Variants in EYS observed in about 807,000 individuals in gnomAD.
EYS encodes the protein protein eyes shut homolog.
A neutral mutation model predicts 282.1 loss-of-function variants in EYS; 250 were observed. The ratio of observed to expected loss-of-function variants is 0.89; its 90% CI spans 0.80 to 0.98. EYS has a LOEUF of 0.98. Among genes scored for constraint, EYS ranks in the 50% least tolerant of loss-of-function variants. The pLI, the probability that EYS is intolerant of heterozygous loss-of-function variation, is 0.00. For missense variants in EYS, 4,016 were observed against 3,709.0 expected, an observed-to-expected ratio of 1.08 and a Z score of -2.15; for synonymous variants, 1,355 against 1,282.9, an observed-to-expected ratio of 1.06 and a Z score of -1.20.
chr6:64,710,393 C>T (rs560418713), intron 22 of EYS, among the ~76,000 whole-genome samples: 2 of 152,222 alleles, frequency 1.3e-5, no homozygotes, highest in African/African-American at 4.8e-5. Flanking sequence ...CATCCCTTCA[C>T]CTGCATAGGG....
intron 1 of EYS, among the ~76,000 whole-genome samples, chr6:65,673,672 G>A (rs937942093): frequency 6.6e-6 from 1 of 151,980 alleles, no homozygotes; most frequent in Non-Finnish European, 1.5e-5. Flanking sequence ...GTGCATGAAA[G>A]TTCCACTGAA....
At position 64,304,004 on chromosome 6, in the gene EYS, G is replaced by C. The variant is rs144386249; in HGVS notation, c.6191+2966C>G. Among the ~76,000 whole-genome samples, 147 of 152,258 alleles carry C rather than the reference G, an allele frequency of 9.7e-4. 1 individual carries two copies. The highest frequency in any genetic ancestry group is 3.3e-3 in the African/African-American group (137 of 41,546). The stretch of plus-strand genomic sequence containing the variant: ...GTCCTAAGACCAACTTTTGATCATC[G>C]TGGGTGAATGATTGCTCTCTACTCA... On this transcript the variant is annotated intron_variant, in intron 30 of 42. Coordinates refer to ENST00000503581, the MANE Select transcript of EYS (RefSeq NM_001142800.2).
intron 22 of EYS, among the ~76,000 whole-genome samples, chr6:64,705,267 C>T (rs2149928659): frequency 6.6e-6 from 1 of 152,202 alleles, no homozygotes; most frequent in East Asian, 1.9e-4. Context: ...TAGGAATTTA[C>T]CTAACCAATG....
At chr6:65,575,356 ATTG>A (rs1346842714) in intron 2 of EYS, among the ~76,000 whole-genome samples, 1 of 150,882 alleles carries the variant, frequency 6.6e-6, no homozygotes. Flanking sequence ...ATAAATAAAT[ATTG>A]ATTAAAAGAA....
chr6:65,347,292 T>A (rs1770435780), intron 9 of EYS, among the ~76,000 whole-genome samples: 1 of 151,808 alleles, frequency 6.6e-6, no homozygotes, highest in Admixed American at 6.6e-5. Flanking sequence ...GGATACTCTC[T>A]GTGTCTTCGT....
At chr6:64,394,064 A>C (rs112466856) in intron 28 of EYS, among the ~76,000 whole-genome samples, 47,882 of 151,534 alleles carry the variant, frequency 0.32, 7,541 homozygotes, top group East Asian at 0.46. Flanking sequence ...CCTAGGAATC[A>C]AACTTACAAG....
chr6:64,031,704 T>C (rs1395926404), intron 33 of EYS, among the ~76,000 whole-genome samples: 2 of 152,202 alleles, frequency 1.3e-5, no homozygotes, highest in Non-Finnish European at 2.9e-5. Flanking sequence ...CTCTGTTATC[T>C]AGCTACTCTG....
chr6:64,070,878 TATTC>T (rs1276979496), intron 32 of EYS, among the ~76,000 whole-genome samples: 3 of 152,072 alleles, frequency 2.0e-5, no homozygotes, highest in Non-Finnish European at 4.4e-5. Context: ...TTAATAATTT[TATTC>T]ATTATGACTT....
At chr6:64,306,682 A>G (rs1160470413) in intron 30 of EYS, among the ~76,000 whole-genome samples, 1 of 152,132 alleles carries the variant, frequency 6.6e-6, no homozygotes, top group Non-Finnish European at 1.5e-5. Flanking sequence ...TCATTTTTAA[A>G]CTAACTCTGA....
chr6:65,632,961 A>G (rs1302054501), intron 2 of EYS, among the ~76,000 whole-genome samples: 1 of 152,190 alleles, frequency 6.6e-6, no homozygotes, highest in African/African-American at 2.4e-5. Flanking sequence ...AGCTTATGTA[A>G]TTAATAAAAT....
At chr6:65,367,565 G>T (rs191535528) in intron 8 of EYS, among the ~76,000 whole-genome samples, 1 of 151,556 alleles carries the variant, frequency 6.6e-6, no homozygotes, top group African/African-American at 2.4e-5. Context: ...TAATTTGAAT[G>T]AATTAATCTA....
chr6:65,196,939 G>C (rs535856639), intron 12 of EYS, among the ~76,000 whole-genome samples: 1 of 152,120 alleles, frequency 6.6e-6, no homozygotes, highest in Admixed American at 6.6e-5. Context: ...GCTGCAATGG[G>C]GTGCCAGCAG....
intron 15 of EYS, among the ~76,000 whole-genome samples, chr6:64,945,523 T>A (rs547535063): frequency 6.6e-6 from 1 of 152,042 alleles, no homozygotes; most frequent in Non-Finnish European, 1.5e-5. Flanking sequence ...GGCAAAAACA[T>A]GTTTTGAAGA....
intron 28 of EYS, among the ~76,000 whole-genome samples, chr6:64,403,508 C>A (rs1270827294): frequency 1.3e-5 from 2 of 152,010 alleles, no homozygotes; most frequent in East Asian, 3.9e-4. Context: ...AGGCATGTGG[C>A]ACCACGCCCG....
chr6:63,908,780 CATTTTCTATCTAAATGGCT>C (rs1224189023), intron 35 of EYS, among the ~76,000 whole-genome samples: 5 of 152,114 alleles, frequency 3.3e-5, no homozygotes, highest in African/African-American at 4.8e-5. Flanking sequence ...AATAAACCAT[CATTTTCTATCTAAATGGCT>C]ATTTTCTATC....
chr6:65,153,630 T>A (rs1040025724), intron 12 of EYS, among the ~76,000 whole-genome samples: 2 of 151,832 alleles, frequency 1.3e-5, no homozygotes, highest in Non-Finnish European at 2.9e-5. Context: ...AGTATCATTA[T>A]GATTTCTAAT....
chr6:63,756,909 T>C (rs983233681), intron 41 of EYS, among the ~76,000 whole-genome samples: 6 of 152,142 alleles, frequency 3.9e-5, no homozygotes, highest in African/African-American at 1.4e-4. Context: ...CCTGTTGTCT[T>C]TGTAAGCTGA....
intron 36 of EYS, among the ~76,000 whole-genome samples, chr6:63,830,598 C>T (rs958628687): frequency 1.1e-4 from 17 of 152,254 alleles, no homozygotes; most frequent in African/African-American, 4.1e-4. Flanking sequence ...GATTGGTGTA[C>T]CTGAAAGTGA....
intron 33 of EYS, among the ~76,000 whole-genome samples, chr6:64,063,356 G>A (rs760793565): frequency 3.3e-5 from 5 of 151,928 alleles, no homozygotes; most frequent in Non-Finnish European, 7.4e-5. Context: ...TGCTCTTCTT[G>A]CATTGTTTAT....
Sources: allele counts gnomAD v4.1 joint callset (sites outside exome capture counted in the v4.1 genomes callset), GRCh38; gene constraint gnomAD v4.1.1; transcripts MANE v1.5; gene names NCBI Gene and HGNC (gene_info 2026-07-23, HGNC 2026-07-21).